SPOCK1: variants seen among roughly 807,000 people sequenced by gnomAD.
SPOCK1 encodes testican-1.
In SPOCK1, 23 loss-of-function variants were observed where a neutral mutation model predicts 55.3. The observed-to-expected ratio is 0.42, with a 90% CI of 0.30 to 0.59. SPOCK1 has a LOEUF of 0.59. Ranked by LOEUF, SPOCK1 falls within the 20% of genes least tolerant of loss-of-function variation. SPOCK1 has a pLI of 0.22. For missense variants in SPOCK1, 499 were observed against 552.5 expected (o/e 0.90, Z 0.97); for synonymous variants, 226 against 221.0 (o/e 1.02, Z -0.20).
chr5:137,444,565 G>A (rs1289001368), intron 2 of SPOCK1, among the ~76,000 whole-genome samples: 1 of 152,148 alleles, frequency 6.6e-6, no homozygotes, highest in Non-Finnish European at 1.5e-5. Context: ...TGGCCTCCAA[G>A]GAGATCAAAA....
intron 5 of SPOCK1, among the ~76,000 whole-genome samples, chr5:137,101,092 G>GA (rs992793118): frequency 1.3e-5 from 2 of 151,738 alleles, no homozygotes; most frequent in Non-Finnish European, 2.9e-5. Context: ...ATGTTCTCTT[G>GA]AAAAATATGA....
At chr5:137,185,303 A>C (rs534132033) in intron 3 of SPOCK1, among the ~76,000 whole-genome samples, 16 of 152,268 alleles carry the variant, frequency 1.1e-4, no homozygotes, top group African/African-American at 3.8e-4. Flanking sequence ...CATTCATTTC[A>C]AATTTACTTG....
At chr5:137,011,347 C>A (rs1751344841) in intron 6 of SPOCK1, among the ~76,000 whole-genome samples, 1 of 152,032 alleles carries the variant, frequency 6.6e-6, no homozygotes, top group African/African-American at 2.4e-5. Flanking sequence ...AGAATTTGAA[C>A]AGGGTTAATT....
rs181926642 is a variant in SPOCK1, at chr5:137,006,924, C to T, written c.590-14324G>A. On this transcript the variant is annotated intron_variant, in intron 6 of 10. Transcript: ENST00000394945. ...AGCATGAAGCATTGTTGAATTTTGC[C>T]GAAGGCCTTTTTGGCGTCTATTGAG... 2.4e-3 allele frequency among the ~76,000 whole-genome samples: 366 copies of T among 152,178 alleles called. 3 individuals are homozygous for T. Among genetic ancestry groups the T allele is most frequent in the African/African-American group, 8.3e-3 (346 of 41,506 alleles).
At chr5:137,337,359 T>C (rs868449468) in intron 2 of SPOCK1, among the ~76,000 whole-genome samples, 1 of 152,208 alleles carries the variant, frequency 6.6e-6, no homozygotes, top group Admixed American at 6.5e-5. Context: ...ACATTTCCAA[T>C]GACCAAAACA....
chr5:137,027,273 G>A (rs1751696807), intron 6 of SPOCK1, among the ~76,000 whole-genome samples: 1 of 152,164 alleles, frequency 6.6e-6, no homozygotes, highest in Non-Finnish European at 1.5e-5. Context: ...CACAGATAGT[G>A]CCTTCAGAGA....
chr5:137,478,557 C>T (rs1250440103), intron 2 of SPOCK1, among the ~76,000 whole-genome samples: 1 of 152,096 alleles, frequency 6.6e-6, no homozygotes, highest in Non-Finnish European at 1.5e-5. Context: ...ATTAAACAAG[C>T]TTTCCCCCCA....
At chr5:137,445,413 G>C (rs1425304422) in intron 2 of SPOCK1, among the ~76,000 whole-genome samples, 1 of 152,118 alleles carries the variant, frequency 6.6e-6, no homozygotes, top group Non-Finnish European at 1.5e-5. Context: ...GCCAGATTGA[G>C]AAGAGAAAAA....
intron 2 of SPOCK1, among the ~76,000 whole-genome samples, chr5:137,333,798 C>CT (rs1230538455): frequency 6.6e-6 from 1 of 152,132 alleles, no homozygotes; most frequent in African/African-American, 2.4e-5. Flanking sequence ...TCTATAAATA[C>CT]ATAAAGATTT....
intron 2 of SPOCK1, among the ~76,000 whole-genome samples, chr5:137,357,547 G>A (rs114347353): frequency 7.2e-5 from 11 of 152,298 alleles, no homozygotes; most frequent in African/African-American, 2.6e-4. Context: ...CGCAGAGAAA[G>A]AGATGCCTGA....
At chr5:137,111,341 C>T (rs1319019039) in intron 5 of SPOCK1, among the ~76,000 whole-genome samples, 1 of 152,180 alleles carries the variant, frequency 6.6e-6, no homozygotes, top group Non-Finnish European at 1.5e-5. Context: ...ATGGGCTCCA[C>T]TCTGCAAGTT....
intron 2 of SPOCK1, among the ~76,000 whole-genome samples, chr5:137,404,870 A>T (rs1271231612): frequency 6.6e-6 from 1 of 152,186 alleles, no homozygotes; most frequent in Non-Finnish European, 1.5e-5. Flanking sequence ...AATACACTGC[A>T]TCAGCACCAC....
chr5:137,246,174 C>G (rs1161940233), intron 3 of SPOCK1, among the ~76,000 whole-genome samples: 1 of 152,200 alleles, frequency 6.6e-6, no homozygotes, highest in Non-Finnish European at 1.5e-5. Context: ...TAAAGTGAAT[C>G]TGACCAATAT....
intron 5 of SPOCK1, among the ~76,000 whole-genome samples, chr5:137,083,802 G>A (rs962761890): frequency 8.6e-5 from 13 of 151,890 alleles, no homozygotes; most frequent in African/African-American, 2.4e-4. Context: ...CTAAAGCCTT[G>A]AGCTTGGGGA....
chr5:137,312,082 C>T (rs180752287), intron 2 of SPOCK1, among the ~76,000 whole-genome samples: 116 of 152,326 alleles, frequency 7.6e-4, no homozygotes, highest in African/African-American at 2.7e-3. Context: ...TGGCACGTAG[C>T]TCCATTAATA....
intron 6 of SPOCK1, among the ~76,000 whole-genome samples, chr5:137,029,219 C>T (rs772494910): frequency 1.3e-5 from 2 of 152,150 alleles, no homozygotes; most frequent in Non-Finnish European, 2.9e-5. Flanking sequence ...TGAGAACTTG[C>T]TTCATGTGAC....
intron 5 of SPOCK1, among the ~76,000 whole-genome samples, chr5:137,071,680 G>C (rs1752617906): frequency 6.6e-6 from 1 of 152,182 alleles, no homozygotes; most frequent in African/African-American, 2.4e-5. Context: ...AGCAAGTGCG[G>C]GTAGAGCCCT....
chr5:137,138,504 T>TACACAC (rs34293195), intron 4 of SPOCK1, among the ~76,000 whole-genome samples: 58,564 of 147,360 alleles, frequency 0.4, 11,782 homozygotes, highest in Middle Eastern at 0.45. Context: ...CACACAAACA[T>TACACAC]ACACACACAC....
chr5:137,125,212 G>A (rs916981), intron 4 of SPOCK1, among the ~76,000 whole-genome samples: 136,483 of 152,238 alleles, frequency 0.9, 61,254 homozygotes, highest in African/African-American at 0.93. Flanking sequence ...TCCATTAAAC[G>A]TGCCATGAAC....
Sources: allele counts gnomAD v4.1 joint callset (sites outside exome capture counted in the v4.1 genomes callset), GRCh38; gene constraint gnomAD v4.1.1; transcripts MANE v1.5; gene names NCBI Gene and HGNC (gene_info 2026-07-23, HGNC 2026-07-21).